The following ATP8B1 variants were observed in gnomAD, a reference collection of about 807,000 sequenced individuals.
The protein encoded by ATP8B1 is phospholipid-transporting ATPase IC.
Under a neutral mutation model 149.9 loss-of-function variants are expected in ATP8B1, and 80 were observed. The observed-to-expected ratio is 0.53, with a 90% CI of 0.45 to 0.64. The LOEUF (loss-of-function observed/expected upper bound fraction) is 0.64, where lower values mean the gene tolerates loss of function less well. Ranked by LOEUF, ATP8B1 falls within the 30% of genes least tolerant of loss-of-function variation. The pLI is 0.00. For missense variants in ATP8B1, 1,247 were observed against 1,552.6 expected (o/e 0.80, Z 3.31); for synonymous variants, 536 against 562.8 (o/e 0.95, Z 0.67).
rs908897485 is a variant in ATP8B1 at position 57,648,113 on chromosome 18, A to G, written c.*375T>C. The G allele has an allele frequency of 2.8e-5, 10 of 357,014 alleles. No individual in the cohort carries two copies. The highest frequency in any genetic ancestry group is 1.1e-4 in the African/African-American group (5 of 47,066). The allele number at this position is 357,014 out of a possible 1,614,324, so 22.1% of individuals were successfully genotyped here. On this transcript the variant is annotated 3_prime_UTR_variant, in exon 28 of 28. Transcript: ENST00000648908. ...GCGATTCTTCTGCTTCAGCTTCTCA[A>G]ATAGGTGGGATTACGGGTGCCCACC...
At position 57,669,368 on chromosome 18, in the gene ATP8B1, G is replaced by T. The variant is rs1216021001; in HGVS notation, c.2047C>A (p.Arg683=). The T allele has an allele frequency of 1.2e-6, 2 of 1,613,728 alleles. No homozygotes were observed. The highest frequency in any genetic ancestry group is 3.3e-5 in the Admixed American group (2 of 59,956). The change falls in exon 18 of 28, where the codon CGG becomes AGG. Residue 683 remains arginine (R), a synonymous_variant. Coordinates refer to ENST00000648908, the MANE Select transcript of ATP8B1 (RefSeq NM_001374385.1). ...TATACTTTATCCAGAGCTTCGTCCC[G>T]GTTGGTGGAGGCCACACTGGCAGCC... ...FMAASVASTN[R]DEALDKVYEE...
chr18:57,649,548 C>T (rs1023741250), intron 27 of ATP8B1, among the ~76,000 whole-genome samples: 4 of 152,198 alleles, frequency 2.6e-5, no homozygotes, highest in Middle Eastern at 3.4e-3. Context: ...CCTCAGTAGC[C>T]TCTACTCTCT....
rs59261353 is a variant in ATP8B1, at chr18:57,797,703, C to CTTTTTT, written c.-26+5289_-26+5294dup. ...GACACCTGATCTGCTTTCTTTCTTTCTTTTTTTTTTTTTTTTTTTTTTGAG... is the reference window on the plus strand; with the variant it reads ...GACACCTGATCTGCTTTCTTTCTTTCTTTTTTTTTTTTTTTTTTTTTTTTTTTTGAG... On this transcript the variant is annotated intron_variant, in intron 1 of 27. Transcript: ENST00000648908. Among the ~76,000 whole-genome samples the CTTTTTT allele has an allele frequency of 2.8e-3, 268 of 96,274 alleles. 3 individuals carry two copies. Among genetic ancestry groups the CTTTTTT allele is most frequent in the Non-Finnish European group, 3.3e-3 (169 of 50,684 alleles). 63.2% of individuals were successfully genotyped at this position (96,274 alleles called of 152,430 possible). A position where few individuals can be genotyped will look rare whatever the true frequency, so the allele number is the denominator to read the frequency against.
intron 1 of ATP8B1, among the ~76,000 whole-genome samples, chr18:57,774,639 G>A (rs967952011): frequency 1.2e-4 from 18 of 152,110 alleles, no homozygotes; most frequent in East Asian, 7.7e-4. Flanking sequence ...TCTTCTAACC[G>A]GAATGTACAC....
At chr18:57,707,742 G>A (rs1913480542) in intron 2 of ATP8B1, among the ~76,000 whole-genome samples, 2 of 151,214 alleles carry the variant, frequency 1.3e-5, no homozygotes, top group South Asian at 2.1e-4. Context: ...CTTCTGACCT[G>A]GTGATCCACC....
chr18:57,695,372 GTCTT>G (rs762824776), intron 9 of ATP8B1, 43 bp from the exon 10 acceptor site: 1 of 1,590,470 alleles, frequency 6.3e-7, no homozygotes, highest in South Asian at 1.1e-5. Context: ...ACATACAAAA[GTCTT>G]TCTGGTTTTA....
chr18:57,654,135 C>T (rs144129776), intron 23 of ATP8B1, 60 bp from the exon 24 acceptor site: 1 of 1,365,534 alleles, frequency 7.3e-7, no homozygotes, highest in South Asian at 1.2e-5. Flanking sequence ...GCCTAGTTAG[C>T]ACATACTCAT....
At chr18:57,685,194 A>G (rs1291299741) in intron 13 of ATP8B1, 79 bp from the exon 14 acceptor site, 10 of 1,503,736 alleles carry the variant, frequency 6.7e-6, no homozygotes, top group African/African-American at 1.4e-5. Context: ...TTGCTTATAT[A>G]GTGATGGTGG....
intron 1 of ATP8B1, among the ~76,000 whole-genome samples, chr18:57,780,695 T>C (rs1413032902): frequency 1.3e-5 from 2 of 152,228 alleles, no homozygotes; most frequent in African/African-American, 4.8e-5. Flanking sequence ...CTCAGTTGGC[T>C]TCAACCAAGA....
chr18:57,690,797 T>C (rs1460387011), intron 12 of ATP8B1, among the ~76,000 whole-genome samples: 2 of 152,210 alleles, frequency 1.3e-5, no homozygotes, highest in Admixed American at 1.3e-4. Flanking sequence ...GAATGAACTC[T>C]GGCTGCTGGG....
Position 57,713,513 on chromosome 18 carries a change from T to A in ATP8B1, c.182-6926A>T, listed in dbSNP as rs142267930. ...TTATTTTATTTTATTTTATTTGAGA[T>A]GGTTTCTCACTCTGTCACCCAGGAT... On this transcript the variant is annotated intron_variant, in intron 2 of 27. Transcript: ENST00000648908. Among the ~76,000 whole-genome samples, 45 of 150,980 alleles carry A rather than the reference T, an allele frequency of 3.0e-4. 1 individual carries two copies. The East Asian group carries it at 8.1e-3, about 27-fold the overall frequency.
chr18:57,648,654 A>G lies in ATP8B1; in HGVS notation c.3590T>C (p.Val1197Ala). The change falls in exon 28 of 28, where the codon GTG (valine) becomes GCG (alanine). Residue 1197 changes from valine to alanine, a missense_variant. Coordinates refer to ENST00000648908, the MANE Select transcript of ATP8B1 (RefSeq NM_001374385.1). ...AEEQWQRRQQ[V>A]FRRGVSTRRS... ...CCGCGTTGACACGCCCCGGCGGAAC[A>G]CCTGCTGCCGTCGCTGCCACTGCTC... The G allele has an allele frequency of 6.3e-7, 1 of 1,584,778 alleles. No individual in the cohort carries two copies. The highest frequency in any genetic ancestry group is 2.3e-4 in the Middle Eastern group (1 of 4,408).
chr18:57,691,757 A>G (rs1314056433), intron 12 of ATP8B1, 50 bp downstream of exon 12: 3 of 1,597,964 alleles, frequency 1.9e-6, no homozygotes, highest in South Asian at 2.2e-5. Context: ...TGTTGGGAGA[A>G]GGTACAACAT....
chr18:57,713,257 TTCTTTC>T (rs1156953905), intron 2 of ATP8B1, among the ~76,000 whole-genome samples: 1 of 134,408 alleles, frequency 7.4e-6, no homozygotes, highest in African/African-American at 2.8e-5. Context: ...CTTTCTTTCT[TTCTTTC>T]TCTTTCTTTC....
rs143371668 is a variant in ATP8B1, at chr18:57,790,177, G to A, written c.-26+12821C>T. ...GACCAGGATTCCCCTTGTGAAGTGC[G>A]GCTCCTACCTTCCAGTTCTCATCCC... On this transcript the variant is annotated intron_variant, in intron 1 of 27. Transcript: ENST00000648908. Among the ~76,000 whole-genome samples the A allele has an allele frequency of 2.6e-3, 392 of 151,814 alleles. 2 individuals are homozygous for A. The highest frequency in any genetic ancestry group is 8.9e-3 in the African/African-American group (370 of 41,360).
intron 1 of ATP8B1, among the ~76,000 whole-genome samples, chr18:57,750,827 A>G (rs1225146559): frequency 1.3e-5 from 2 of 152,180 alleles, no homozygotes; most frequent in Non-Finnish European, 1.5e-5. Flanking sequence ...TTTAAATATT[A>G]TCAATGTTTG....
intron 22 of ATP8B1, among the ~76,000 whole-genome samples, chr18:57,660,118 A>G (rs922952651): frequency 6.6e-6 from 1 of 152,210 alleles, no homozygotes; most frequent in East Asian, 1.9e-4. Flanking sequence ...ATACTCCCTT[A>G]TAGTGACAGA....
Position 57,688,133 on chromosome 18 carries a change from T to G in ATP8B1, c.1429+166A>C, listed in dbSNP as rs58650958. On this transcript the variant is annotated intron_variant, in intron 13 of 27. Coordinates refer to ENST00000648908, the MANE Select transcript of ATP8B1 (RefSeq NM_001374385.1). ...TCTCCCACGCATGTGTCCCCAGTGC[T>G]GTCCATGGTGCTCCTCTGGTGCTTA... Among the ~76,000 whole-genome samples the G allele has an allele frequency of 8.7e-3, 1,319 of 152,296 alleles. 20 individuals are homozygous for G. The highest frequency in any genetic ancestry group is 0.03 in the African/African-American group (1,259 of 41,558).
intron 22 of ATP8B1, chr18:57,659,921 T>A (rs1240086448): frequency 1.3e-5 from 2 of 152,200 alleles, no homozygotes; most frequent in African/African-American, 4.8e-5. Flanking sequence ...TGCAATTACC[T>A]ATGTACAGTC....
Sources: gnomAD v4.1 joint callset for allele counts (sites outside exome capture counted in the v4.1 genomes callset) on GRCh38, gnomAD v4.1.1 for gene constraint, MANE v1.5 for transcripts, NCBI Gene and HGNC (gene_info 2026-07-23, HGNC 2026-07-21) for gene names.